LRP1B: variants seen among roughly 807,000 people sequenced by gnomAD.
LRP1B encodes low-density lipoprotein receptor-related protein 1B.
LRP1B carries 217 observed loss-of-function variants against 556.6 expected under a neutral mutation model. That is an observed-to-expected ratio of 0.39 (90% CI 0.35 to 0.44). LRP1B has a LOEUF of 0.44. Ranked by LOEUF, LRP1B falls within the 20% of genes least tolerant of loss-of-function variation. The probability of loss-of-function intolerance (pLI) is 1.00; values close to 1 mark genes in which losing one functional copy is unlikely to be tolerated. For missense variants in LRP1B, 5,053 were observed against 5,620.8 expected (o/e 0.90, Z 3.23); for synonymous variants, 2,047 against 1,865.8 (o/e 1.10, Z -2.50).
chr2:141,475,976 C>A (rs1682690091), intron 3 of LRP1B, among the ~76,000 whole-genome samples: 1 of 152,168 alleles, frequency 6.6e-6, no homozygotes, highest in East Asian at 1.9e-4. Flanking sequence ...GGGCACCCAG[C>A]TGGTTAACAC....
intron 29 of LRP1B, among the ~76,000 whole-genome samples, chr2:140,842,352 A>G (rs1389395309): frequency 1.3e-5 from 2 of 152,200 alleles, no homozygotes; most frequent in African/African-American, 4.8e-5. Flanking sequence ...TTACATTTCC[A>G]TGCCAGAATC....
At chr2:141,708,406 C>G (rs1323198308) in intron 2 of LRP1B, among the ~76,000 whole-genome samples, 1 of 151,948 alleles carries the variant, frequency 6.6e-6, no homozygotes, top group African/African-American at 2.4e-5. Context: ...TGGTTTTTCC[C>G]TTTAGGAATA....
At chr2:141,047,013 C>T (rs1045576731) in intron 11 of LRP1B, among the ~76,000 whole-genome samples, 64 of 147,418 alleles carry the variant, frequency 4.3e-4, no homozygotes, top group Admixed American at 8.3e-4. Flanking sequence ...ACTTCGGAGG[C>T]GGAGGTTGCA....
chr2:140,415,965 A>G (rs975393445), intron 66 of LRP1B, among the ~76,000 whole-genome samples: 3 of 152,182 alleles, frequency 2.0e-5, no homozygotes, highest in Admixed American at 6.5e-5. Context: ...TGTGCAATAC[A>G]TTTGCATCAA....
At chr2:141,869,162 T>C (rs1558929815) in intron 1 of LRP1B, among the ~76,000 whole-genome samples, 1 of 152,116 alleles carries the variant, frequency 6.6e-6, no homozygotes, top group Non-Finnish European at 1.5e-5. Context: ...CGATAGAATG[T>C]GCAATGATGA....
At chr2:141,219,337 G>T (rs565085237) in intron 6 of LRP1B, among the ~76,000 whole-genome samples, 1 of 152,192 alleles carries the variant, frequency 6.6e-6, no homozygotes, top group African/African-American at 2.4e-5. Flanking sequence ...GGCAGATCAC[G>T]GCAAGATTGC....
At chr2:140,486,380 G>A (rs779276245) in intron 58 of LRP1B, among the ~76,000 whole-genome samples, 17 of 151,854 alleles carry the variant, frequency 1.1e-4, no homozygotes, top group Admixed American at 3.3e-4. Context: ...ATACTTAAAT[G>A]CAAGACATCT....
At position 140,824,054 on chromosome 2, in the gene LRP1B, T is replaced by C. The variant is rs559500319; in HGVS notation, c.5210-10248A>G. ...CAAACCTCAATGACATGAGTTTACC[T>C]ATGTAACAAACCTTCACATGTACCT... On this transcript the variant is annotated intron_variant, in intron 31 of 90. Coordinates refer to ENST00000389484, the MANE Select transcript of LRP1B (RefSeq NM_018557.3). Among the ~76,000 whole-genome samples the C allele has an allele frequency of 3.3e-5, 5 of 151,948 alleles. No individual in the cohort carries two copies. In the South Asian group the frequency reaches 6.2e-4, roughly 19 times the overall value.
intron 83 of LRP1B, among the ~76,000 whole-genome samples, chr2:140,313,012 A>G (rs900439494): frequency 2.6e-5 from 4 of 151,982 alleles, no homozygotes; most frequent in African/African-American, 9.7e-5. Flanking sequence ...TAAACCAACA[A>G]TGAATAAATC....
chr2:141,743,501 C>CTTTTTTTTTTTTTTTTTTTTTTTTT (rs796287062), intron 2 of LRP1B, among the ~76,000 whole-genome samples: 5 of 119,034 alleles, frequency 4.2e-5, no homozygotes, highest in East Asian at 2.5e-4. Context: ...TTTTTTTTTT[C>CTTTTTTTTTTTTTTTTTTTTTTTTT]TTTTTTTTTT....
intron 3 of LRP1B, among the ~76,000 whole-genome samples, chr2:141,408,248 T>A: frequency 6.7e-6 from 1 of 149,842 alleles, no homozygotes; most frequent in Non-Finnish European, 1.5e-5. Flanking sequence ...GTTCAGGCCA[T>A]TCTCCTGCCT....
At chr2:142,028,126 A>C (rs1703568479) in intron 1 of LRP1B, among the ~76,000 whole-genome samples, 1 of 151,986 alleles carries the variant, frequency 6.6e-6, no homozygotes. Context: ...CATGAACAAA[A>C]ATAGAGATTG....
chr2:141,156,577 G>A (rs545243067), intron 7 of LRP1B, among the ~76,000 whole-genome samples: 63 of 151,052 alleles, frequency 4.2e-4, no homozygotes, highest in Admixed American at 1.9e-3. Context: ...GCCGTGAGCC[G>A]AGATCACATC....
chr2:140,839,948 T>G, intron 31 of LRP1B, 43 bp downstream of exon 31: 4 of 1,149,694 alleles, frequency 3.5e-6, no homozygotes, highest in Non-Finnish European at 5.2e-6. Flanking sequence ...AAGTACAGGT[T>G]TGTCACATTG....
intron 2 of LRP1B, among the ~76,000 whole-genome samples, chr2:141,756,732 A>C (rs1230538727): frequency 6.6e-6 from 1 of 152,126 alleles, no homozygotes; most frequent in East Asian, 1.9e-4. Flanking sequence ...AGCTGCCTAC[A>C]GTGTTCAGTA....
chr2:140,743,890 C>CCAG (rs1318182099), intron 35 of LRP1B, among the ~76,000 whole-genome samples: 1 of 138,570 alleles, frequency 7.2e-6, no homozygotes, highest in African/African-American at 2.7e-5. Context: ...TCACTTGAAC[C>CCAG]CAGGAGGGGG....
intron 2 of LRP1B, among the ~76,000 whole-genome samples, chr2:141,573,236 A>G (rs1053597877): frequency 9.9e-5 from 15 of 151,934 alleles, no homozygotes; most frequent in African/African-American, 7.2e-5. Flanking sequence ...AACTGAAATC[A>G]TAACAGTCTC....
intron 82 of LRP1B, among the ~76,000 whole-genome samples, chr2:140,316,618 C>T (rs968445550): frequency 1.3e-5 from 2 of 151,662 alleles, no homozygotes; most frequent in Non-Finnish European, 2.9e-5. Flanking sequence ...CCTGGTTCTG[C>T]CGCTTACTAG....
At chr2:141,978,974 C>A (rs924967359) in intron 1 of LRP1B, among the ~76,000 whole-genome samples, 1 of 151,026 alleles carries the variant, frequency 6.6e-6, no homozygotes, top group East Asian at 1.9e-4. Context: ...TATGACTTAA[C>A]AGAATGAAAT....
Sources: allele counts gnomAD v4.1 joint callset (sites outside exome capture counted in the v4.1 genomes callset), GRCh38; gene constraint gnomAD v4.1.1; transcripts MANE v1.5; gene names NCBI Gene and HGNC (gene_info 2026-07-23, HGNC 2026-07-21).